The following CNTNAP2 variants were observed in gnomAD, a reference collection of about 807,000 sequenced individuals.
CNTNAP2 encodes contactin associated protein 2, also known as contactin-associated protein-like 2.
Under a neutral mutation model 155.2 loss-of-function variants are expected in CNTNAP2, and 98 were observed. That is an observed-to-expected ratio of 0.63 (90% CI 0.54 to 0.75). The LOEUF (loss-of-function observed/expected upper bound fraction) is 0.75. Ranked by LOEUF, CNTNAP2 falls within the 30% of genes least tolerant of loss-of-function variation. The pLI, the probability that CNTNAP2 is intolerant of heterozygous loss-of-function variation, is 0.00. For synonymous variants in CNTNAP2, 651 were observed against 631.2 expected (o/e 1.03, Z -0.47); for missense variants, 1,727 against 1,688.1 (o/e 1.02, Z -0.40).
intron 13 of CNTNAP2, among the ~76,000 whole-genome samples, chr7:147,840,948 A>G (rs1307125942): frequency 6.6e-6 from 1 of 152,174 alleles, no homozygotes; most frequent in Non-Finnish European, 1.5e-5. Flanking sequence ...AAAGTTGGTT[A>G]AGCATAATCT....
chr7:148,000,204 G>A (rs561145182), intron 15 of CNTNAP2, among the ~76,000 whole-genome samples: 3 of 152,298 alleles, frequency 2.0e-5, no homozygotes, highest in Admixed American at 2.0e-4. Context: ...GCAGAGCAGT[G>A]TCTTGAGAGA....
At chr7:148,379,753 G>C (rs1421114444) in intron 21 of CNTNAP2, among the ~76,000 whole-genome samples, 1 of 152,098 alleles carries the variant, frequency 6.6e-6, no homozygotes, top group Non-Finnish European at 1.5e-5. Flanking sequence ...ATAAATAAAT[G>C]CTTATCCAAT....
At chr7:146,200,218 C>T (rs748589593) in intron 1 of CNTNAP2, among the ~76,000 whole-genome samples, 7 of 152,120 alleles carry the variant, frequency 4.6e-5, no homozygotes, top group East Asian at 3.9e-4. Context: ...TAATACTGGC[C>T]GGGCGTGGGG....
chr7:146,398,381 G>A (rs2693424), intron 1 of CNTNAP2, among the ~76,000 whole-genome samples: 25,338 of 151,644 alleles, frequency 0.17, 3,553 homozygotes, highest in African/African-American at 0.38. Flanking sequence ...AGAGCAGAGC[G>A]AAGGGGGAAG....
intron 3 of CNTNAP2, among the ~76,000 whole-genome samples, chr7:146,893,187 C>A (rs971096012): frequency 2.6e-5 from 4 of 152,096 alleles, no homozygotes; most frequent in African/African-American, 9.6e-5. Context: ...CTACCTAAAA[C>A]CAGTATATAA....
chr7:146,645,822 T>A (rs1799802123), intron 1 of CNTNAP2, among the ~76,000 whole-genome samples: 1 of 151,930 alleles, frequency 6.6e-6, no homozygotes, highest in Non-Finnish European at 1.5e-5. Flanking sequence ...TGTGGGTGTT[T>A]GTGGTTAGGG....
chr7:147,894,261 AT>A (rs1480037597), intron 13 of CNTNAP2: 1 of 152,224 alleles, frequency 6.6e-6, no homozygotes, highest in Non-Finnish European at 1.5e-5. Flanking sequence ...GGATTTTGTA[AT>A]CAGATCAGAG....
intron 11 of CNTNAP2, among the ~76,000 whole-genome samples, chr7:147,561,927 A>T (rs1214587366): frequency 6.6e-6 from 1 of 152,238 alleles, no homozygotes; most frequent in East Asian, 1.9e-4. Flanking sequence ...ACATAAAGTC[A>T]TACCAGGAGC....
At chr7:146,357,572 C>T (rs978614135) in intron 1 of CNTNAP2, among the ~76,000 whole-genome samples, 1 of 152,050 alleles carries the variant, frequency 6.6e-6, no homozygotes, top group Non-Finnish European at 1.5e-5. Flanking sequence ...TTCCAGCTGC[C>T]GTTCATTCAA....
intron 20 of CNTNAP2, among the ~76,000 whole-genome samples, chr7:148,245,457 T>C (rs921045226): frequency 2.0e-5 from 3 of 152,230 alleles, no homozygotes; most frequent in Admixed American, 2.0e-4. Context: ...GAGGACCAGA[T>C]GTTTTTCCTG....
chr7:146,430,653 G>A (rs1584921995), intron 1 of CNTNAP2, among the ~76,000 whole-genome samples: 1 of 151,990 alleles, frequency 6.6e-6, no homozygotes, highest in East Asian at 1.9e-4. Flanking sequence ...TACACCTAAA[G>A]CAGCTAGCAT....
intron 17 of CNTNAP2, among the ~76,000 whole-genome samples, chr7:148,160,674 T>C (rs940280036): frequency 3.3e-5 from 5 of 152,206 alleles, no homozygotes; most frequent in Non-Finnish European, 5.9e-5. Flanking sequence ...CTCCTGTACA[T>C]GGATCGGAAG....
intron 9 of CNTNAP2, among the ~76,000 whole-genome samples, chr7:147,380,979 GT>G (rs201533253): frequency 4.6e-5 from 7 of 150,844 alleles, no homozygotes; most frequent in Admixed American, 6.6e-5. Context: ...TATTTTCTGG[GT>G]TTTTTTTTGT....
intron 15 of CNTNAP2, among the ~76,000 whole-genome samples, chr7:148,082,104 G>C (rs776523602): frequency 3.9e-5 from 6 of 152,124 alleles, no homozygotes; most frequent in Non-Finnish European, 7.3e-5. Context: ...GAGTCATCAG[G>C]CCGGCTTTTA....
At chr7:146,901,030 GTAATAA>G (rs66815254) in intron 3 of CNTNAP2, among the ~76,000 whole-genome samples, 39 of 149,598 alleles carry the variant, frequency 2.6e-4, no homozygotes, top group African/African-American at 7.1e-4. Context: ...GATTAAAGTA[GTAATAA>G]TAATAATAAT....
At chr7:146,670,479 A>T (rs201146034) in intron 1 of CNTNAP2, among the ~76,000 whole-genome samples, 2 of 152,152 alleles carry the variant, frequency 1.3e-5, no homozygotes, top group East Asian at 1.9e-4. Context: ...AGCAAAAAAA[A>T]AGTTTTAAAA....
intron 13 of CNTNAP2, among the ~76,000 whole-genome samples, chr7:147,787,807 G>C (rs1445993784): frequency 5.3e-5 from 8 of 152,114 alleles, no homozygotes; most frequent in Non-Finnish European, 1.0e-4. Flanking sequence ...TTTTATTATG[G>C]AAATTAGACT....
At chr7:147,957,931 C>G (rs1801048425) in intron 14 of CNTNAP2, among the ~76,000 whole-genome samples, 1 of 151,904 alleles carries the variant, frequency 6.6e-6, no homozygotes, top group Non-Finnish European at 1.5e-5. Context: ...AAAAATTAGC[C>G]AGGTGTGGTG....
intron 4 of CNTNAP2, among the ~76,000 whole-genome samples, chr7:147,098,912 T>A (rs904634030): frequency 3.9e-5 from 6 of 152,200 alleles, no homozygotes; most frequent in Non-Finnish European, 8.8e-5. Context: ...AATACAATTA[T>A]TACTTTATTA....
Sources: gnomAD v4.1 joint callset for allele counts (sites outside exome capture counted in the v4.1 genomes callset) on GRCh38, gnomAD v4.1.1 for gene constraint, MANE v1.5 for transcripts, NCBI Gene and HGNC (gene_info 2026-07-23, HGNC 2026-07-21) for gene names.